Variants in SNRK observed in about 807,000 individuals in gnomAD.
The protein encoded by SNRK is SNF related kinase, also known as SNF-related serine/threonine-protein kinase.
SNRK carries 3 observed loss-of-function variants against 48.2 expected under a neutral mutation model. The observed-to-expected ratio is 0.06, with a 90% CI of 0.03 to 0.16. The LOEUF is 0.16. Ranked by LOEUF, SNRK falls within the 10% of genes least tolerant of loss-of-function variation. The probability of loss-of-function intolerance (pLI) is 1.00; values close to 1 mark genes in which losing one functional copy is unlikely to be tolerated. For synonymous variants in SNRK, 376 were observed against 366.1 expected (o/e 1.03, Z -0.31); for missense variants, 627 against 976.0 (o/e 0.64, Z 4.76).
At chr3:43,339,869 A>G (rs1371301100) in intron 4 of SNRK, among the ~76,000 whole-genome samples, 6 of 96,120 alleles carry the variant, frequency 6.2e-5, no homozygotes, top group Non-Finnish European at 1.0e-4. Flanking sequence ...ATATATATAT[A>G]TATATGTTAC....
intron 3 of SNRK, among the ~76,000 whole-genome samples, chr3:43,314,478 T>C (rs973988609): frequency 6.6e-6 from 1 of 152,190 alleles, no homozygotes; most frequent in Admixed American, 6.5e-5. Flanking sequence ...TTTGGAAATC[T>C]TGACATATTC....
At chr3:43,335,571 T>C (rs1425077465) in intron 4 of SNRK, among the ~76,000 whole-genome samples, 1 of 152,116 alleles carries the variant, frequency 6.6e-6, no homozygotes, top group Non-Finnish European at 1.5e-5. Flanking sequence ...GCATAAATCC[T>C]TAAGATCAAG....
rs1291977352 is a variant in SNRK, at chr3:43,340,504, G to A, written c.944+5G>A. The A allele has an allele frequency of 1.2e-6, 2 of 1,612,806 alleles. No individual in the cohort carries two copies. The highest frequency in any genetic ancestry group is 1.7e-6 in the Non-Finnish European group (2 of 1,179,040). ...GGATCGAGACGCCATTGTAGAGTAC[G>A]TCAATGCCCGTCAGTACAGAGGGCC... On this transcript the variant is annotated splice_donor_5th_base_variant and intron_variant, in intron 5 of 6. Coordinates refer to ENST00000296088, the MANE Select transcript of SNRK (RefSeq NM_017719.5).
chr3:43,307,697 C>G (rs1321453882), intron 3 of SNRK, among the ~76,000 whole-genome samples: 1 of 152,244 alleles, frequency 6.6e-6, no homozygotes, highest in Non-Finnish European at 1.5e-5. Flanking sequence ...CTCTCTCTCT[C>G]TCTGTCTCTC....
At chr3:43,323,227 ACTT>A (rs1273313733) in intron 3 of SNRK, among the ~76,000 whole-genome samples, 1 of 152,190 alleles carries the variant, frequency 6.6e-6, no homozygotes, top group Non-Finnish European at 1.5e-5. Context: ...AAACTATAAA[ACTT>A]CTAGAATAAA....
intron 3 of SNRK, among the ~76,000 whole-genome samples, chr3:43,312,969 A>G (rs1352077803): frequency 6.6e-6 from 1 of 152,240 alleles, no homozygotes; most frequent in African/African-American, 2.4e-5. Flanking sequence ...TACAGATGCC[A>G]GTCTTCCCCA....
chr3:43,302,808 G>C (rs555076837), intron 2 of SNRK, among the ~76,000 whole-genome samples: 2 of 152,008 alleles, frequency 1.3e-5, no homozygotes, highest in Non-Finnish European at 2.9e-5. Flanking sequence ...TTTTAAACAT[G>C]CTTATCAAAC....
At chr3:43,306,640 A>C (rs1345096997) in intron 3 of SNRK, among the ~76,000 whole-genome samples, 1 of 152,100 alleles carries the variant, frequency 6.6e-6, no homozygotes, top group East Asian at 1.9e-4. Flanking sequence ...ATGGTTTATT[A>C]ATGCTATTTA....
At position 43,290,754 on chromosome 3, in the gene SNRK, G is replaced by A. The variant is rs150261143; in HGVS notation, c.-169+4079G>A. On this transcript the variant is annotated intron_variant, in intron 1 of 6. Coordinates refer to ENST00000296088, the MANE Select transcript of SNRK (RefSeq NM_017719.5). ...TGCTCAGGATTTTTCTTGAGCTCTT[G>A]TTTTTGGCTCTTTATGCTAGCCTTC... Among the ~76,000 whole-genome samples the A allele has an allele frequency of 2.4e-3, 360 of 152,228 alleles. 1 individual carries two copies. Among genetic ancestry groups the A allele is most frequent in the African/African-American group, 8.0e-3 (331 of 41,538 alleles).
At chr3:43,344,286 G>A (rs2091258598) in intron 6 of SNRK, among the ~76,000 whole-genome samples, 2 of 152,090 alleles carry the variant, frequency 1.3e-5, no homozygotes, top group South Asian at 4.2e-4. Context: ...AGCATGGAAA[G>A]GGCTTACTTT....
chr3:43,333,978 T>C (rs2091167944), intron 4 of SNRK, among the ~76,000 whole-genome samples: 1 of 152,008 alleles, frequency 6.6e-6, no homozygotes, highest in African/African-American at 2.4e-5. Flanking sequence ...AAACCCTGTC[T>C]CTACTAAAAA....
In SNRK at chr3:43,348,799, G is replaced by A; in HGVS notation, c.*242G>A. 2.6e-6 allele frequency: 1 copy of A among 380,018 alleles called. No homozygotes were observed. Among genetic ancestry groups the A allele is most frequent in the Non-Finnish European group, 4.7e-6 (1 of 214,422 alleles). The allele number at this position is 380,018 out of a possible 1,614,324, so 23.5% of individuals were successfully genotyped here. A position where few individuals can be genotyped will look rare whatever the true frequency, so the allele number is the denominator to read the frequency against. On this transcript the variant is annotated 3_prime_UTR_variant, in exon 7 of 7. Coordinates refer to ENST00000296088, the MANE Select transcript of SNRK (RefSeq NM_017719.5). Reference sequence around the variant, plus strand: ...TTACATTCATAATTTTAATGTGGATGATCAGGATTAAATCAAGATATATAT... The same window carrying A: ...TTACATTCATAATTTTAATGTGGATAATCAGGATTAAATCAAGATATATAT...
chr3:43,301,586 C>T lies in SNRK; in HGVS notation c.-106-1512C>T, dbSNP rs1289082877. On this transcript the variant is annotated intron_variant, in intron 2 of 6. Coordinates refer to ENST00000296088, the MANE Select transcript of SNRK (RefSeq NM_017719.5). The stretch of plus-strand genomic sequence containing the variant: ...TTCAAGACCAGCCTGAGCAACATAG[C>T]AAGACCCTGTCTCTAATAAAAATAA... Among the ~76,000 whole-genome samples the T allele has an allele frequency of 2.0e-5, 3 of 151,964 alleles. No individual in the cohort carries two copies. In the East Asian group the frequency reaches 5.8e-4, roughly 29 times the overall value.
At chr3:43,305,292 A>T (rs115954243) in intron 3 of SNRK, among the ~76,000 whole-genome samples, 2 of 152,272 alleles carry the variant, frequency 1.3e-5, no homozygotes, top group East Asian at 3.9e-4. Context: ...ACTTATGCAT[A>T]CAAGAGATTT....
At chr3:43,341,158 T>G (rs2091233131) in intron 5 of SNRK, among the ~76,000 whole-genome samples, 1 of 150,210 alleles carries the variant, frequency 6.7e-6, no homozygotes, top group Non-Finnish European at 1.5e-5. Flanking sequence ...TTGTTTTTGT[T>G]TTTTTTTTTT....
chr3:43,310,367 A>T (rs2090970698), intron 3 of SNRK, among the ~76,000 whole-genome samples: 1 of 152,076 alleles, frequency 6.6e-6, no homozygotes, highest in South Asian at 2.1e-4. Context: ...TCCACCTTTA[A>T]TGTCTAGAGT....
rs2125608008 is a variant in SNRK at position 43,286,685 on chromosome 3, A to G, written c.-169+10A>G. 1 of 149,104 alleles carries G rather than the reference A, an allele frequency of 6.7e-6. No individual in the cohort carries two copies. Among genetic ancestry groups the G allele is most frequent in the Admixed American group, 6.7e-5 (1 of 15,030 alleles). 9.2% of individuals were successfully genotyped at this position (149,104 alleles called of 1,614,324 possible). A position where few individuals can be genotyped will look rare whatever the true frequency, so the allele number is the denominator to read the frequency against. ...TCGCCTGCCGGCTGAGGTAGGGGCGAGCGCGGAGCGCGGCGGGGCGCGGCG... is the reference window on the plus strand; with the variant it reads ...TCGCCTGCCGGCTGAGGTAGGGGCGGGCGCGGAGCGCGGCGGGGCGCGGCG... On this transcript the variant is annotated intron_variant, in intron 1 of 6. Transcript: ENST00000296088.
chr3:43,319,099 T>G (rs576792682), intron 3 of SNRK, among the ~76,000 whole-genome samples: 2 of 152,134 alleles, frequency 1.3e-5, no homozygotes, highest in East Asian at 3.9e-4. Flanking sequence ...TCTCTTGTGC[T>G]CACTGAGATG....
chr3:43,313,879 A>C (rs2090996381), intron 3 of SNRK, among the ~76,000 whole-genome samples: 1 of 152,226 alleles, frequency 6.6e-6, no homozygotes, highest in African/African-American at 2.4e-5. Flanking sequence ...GAATATAGAT[A>C]CATATTATTC....
Sources: gnomAD v4.1 joint callset for allele counts (sites outside exome capture counted in the v4.1 genomes callset) on GRCh38, gnomAD v4.1.1 for gene constraint, MANE v1.5 for transcripts, NCBI Gene and HGNC (gene_info 2026-07-23, HGNC 2026-07-21) for gene names.